The following LAMA3 variants were observed in gnomAD, a reference collection of about 807,000 sequenced individuals.
LAMA3 encodes laminin subunit alpha-3.
A neutral mutation model predicts 402.0 loss-of-function variants in LAMA3; 281 were observed. That is an observed-to-expected ratio of 0.70 (90% CI 0.63 to 0.77). The LOEUF is 0.77. Ranked by LOEUF, LAMA3 falls within the 30% of genes least tolerant of loss-of-function variation. The pLI is 0.00. For missense variants in LAMA3, 3,840 were observed against 4,215.5 expected (o/e 0.91, Z 2.47); for synonymous variants, 1,431 against 1,558.4 (o/e 0.92, Z 1.93).
intron 8 of LAMA3, among the ~76,000 whole-genome samples, chr18:23,765,661 G>A (rs1045848616): frequency 6.6e-6 from 1 of 152,100 alleles, no homozygotes; most frequent in Non-Finnish European, 1.5e-5. Flanking sequence ...GAAATTAGCA[G>A]TTAAGGATTT....
chr18:23,907,953 G>A lies in LAMA3; in HGVS notation c.7015+18G>A, dbSNP rs752423375. On this transcript the variant is annotated intron_variant, in intron 54 of 74. Transcript: ENST00000313654. ...TAACTCGGGTATCAGGCGATCTCTG[G>A]CCAGGACATCTTAGCCATTCTCTCC... 2 of 1,612,494 alleles carry A rather than the reference G, an allele frequency of 1.2e-6. No homozygotes were observed. Among genetic ancestry groups the A allele is most frequent in the East Asian group, 2.2e-5 (1 of 44,862 alleles).
At chr18:23,748,200 G>A (rs1057455364) in intron 3 of LAMA3, 140 bp downstream of exon 3, 13 of 690,100 alleles carry the variant, frequency 1.9e-5, no homozygotes, top group East Asian at 5.6e-5. Context: ...AGGCCAAGGC[G>A]GGTGGATTAC....
chr18:23,746,576 C>T (rs1345604188), intron 2 of LAMA3, among the ~76,000 whole-genome samples: 1 of 152,074 alleles, frequency 6.6e-6, no homozygotes. Flanking sequence ...TGCCACTGCT[C>T]TCACCAAAAA....
Position 23,864,724 on chromosome 18 carries a change from G to T in LAMA3, c.4585-61G>T, listed in dbSNP as rs564583787. ...GTGTGCCTAAGTGCTTTTCATGCGG[G>T]TTGATGTTGACATCATCTCTTTTAA... On this transcript the variant is annotated intron_variant, in intron 35 of 74. Transcript: ENST00000313654. The T allele has an allele frequency of 4.0e-4, 434 of 1,081,558 alleles. 1 individual carries two copies. Among genetic ancestry groups the T allele is most frequent in the Non-Finnish European group, 5.7e-4 (398 of 698,692 alleles). 67.0% of individuals were successfully genotyped at this position (1,081,558 alleles called of 1,614,324 possible).
At chr18:23,763,651 C>G in intron 8 of LAMA3, 128 bp downstream of exon 8, 1 of 756,596 alleles carries the variant, frequency 1.3e-6, no homozygotes, top group African/African-American at 1.7e-5. Flanking sequence ...CATTTCTCCA[C>G]TGTTGCTCAC....
chr18:23,824,676 G>A, intron 21 of LAMA3, 111 bp downstream of exon 21: 1 of 1,250,028 alleles, frequency 8.0e-7, no homozygotes, highest in East Asian at 2.3e-5. Context: ...ATCATTGGTG[G>A]TTTTAGACAC....
intron 67 of LAMA3, among the ~76,000 whole-genome samples, chr18:23,938,178 A>C (rs1373767959): frequency 1.3e-5 from 2 of 152,140 alleles, no homozygotes; most frequent in Non-Finnish European, 2.9e-5. Context: ...GGAATTATTT[A>C]CCAGAAGCCC....
In LAMA3 at chr18:23,710,367, C is replaced by T. The variant is rs17187178; in HGVS notation, c.295-3553C>T. On this transcript the variant is annotated intron_variant, in intron 1 of 74. Coordinates refer to ENST00000313654, the MANE Select transcript of LAMA3 (RefSeq NM_198129.4). ...TTAAAAAGCCCCACGAGGTTATCTT[C>T]TCTCAAAACCTTGTTGCTTGGTGCC... The T allele has an allele frequency of 0.018, 6,205 of 335,526 alleles. 422 individuals carry two copies. In the East Asian group the frequency reaches 0.2, roughly 11 times the overall value. The allele number at this position is 335,526 out of a possible 1,614,324, so 20.8% of individuals were successfully genotyped here. A position where few individuals can be genotyped will look rare whatever the true frequency, so the allele number is the denominator to read the frequency against.
chr18:23,875,413 G>A (rs1047408097), intron 38 of LAMA3, among the ~76,000 whole-genome samples: 1 of 152,116 alleles, frequency 6.6e-6, no homozygotes, highest in African/African-American at 2.4e-5. Context: ...ATAATATACA[G>A]GAGATAGAAA....
intron 36 of LAMA3, among the ~76,000 whole-genome samples, chr18:23,865,837 A>G (rs972704484): frequency 7.9e-5 from 12 of 152,210 alleles, no homozygotes; most frequent in Non-Finnish European, 1.5e-4. Context: ...TGACCAGTCC[A>G]ATGGGGCTGT....
chr18:23,754,944 A>T (rs1256812091), intron 6 of LAMA3, among the ~76,000 whole-genome samples: 1 of 152,192 alleles, frequency 6.6e-6, no homozygotes, highest in South Asian at 2.1e-4. Flanking sequence ...AAGGTCTGTG[A>T]TGTGCGTTGT....
In LAMA3 at chr18:23,894,930, C is replaced by T. The variant is rs781116222; in HGVS notation, c.5485C>T (p.Leu1829Phe). Residue 1829 changes from leucine (L) to phenylalanine (F), a missense_variant, in exon 44 of 75, where the codon CTC becomes TTC. By Grantham distance (22) the Leu-to-Phe change is conservative. Around this residue, in one of 3 missense-constraint regions of LAMA3, gnomAD observed 891 missense variants for 857.5 expected, o/e 1.04. Transcript: ENST00000313654. ...AGATTGCGACAGCTGTGTGATGACC[C>T]TCCTGAACGACCTGGCCACCATGGG... ...CDDCDSCVMT[L>F]LNDLATMGEQ... 19 of 1,614,208 alleles carry T rather than the reference C, an allele frequency of 1.2e-5. No individual in the cohort carries two copies. The highest frequency in any genetic ancestry group is 1.6e-5 in the Non-Finnish European group (19 of 1,180,038).
chr18:23,808,112 G>A (rs1281543079), intron 12 of LAMA3, among the ~76,000 whole-genome samples: 1 of 152,050 alleles, frequency 6.6e-6, no homozygotes, highest in Non-Finnish European at 1.5e-5. Flanking sequence ...CTTTGTTCTG[G>A]ATTTTTAGAT....
chr18:23,841,305 G>T lies in LAMA3; in HGVS notation c.3337-1090G>T, dbSNP rs149156998. ...TGTGTTGTTGCTGTTGAAGATTTTT[G>T]TGAGTTAAAAGATTCATTACTCAAA... is the stretch of plus-strand genomic sequence containing the variant. On this transcript the variant is annotated intron_variant, in intron 27 of 74. Transcript: ENST00000313654. 9.3e-4 allele frequency among the ~76,000 whole-genome samples: 141 copies of T among 152,302 alleles called. 1 individual carries two copies. The highest frequency in any genetic ancestry group is 3.0e-3 in the African/African-American group (125 of 41,556).
At chr18:23,945,383 A>G (rs2082674972) in intron 69 of LAMA3, among the ~76,000 whole-genome samples, 1 of 152,162 alleles carries the variant, frequency 6.6e-6, no homozygotes, top group African/African-American at 2.4e-5. Context: ...TCCAGATCAC[A>G]TCCTGTGATT....
At chr18:23,742,309 G>A (rs1421331222) in intron 2 of LAMA3, among the ~76,000 whole-genome samples, 1 of 152,172 alleles carries the variant, frequency 6.6e-6, no homozygotes, top group Non-Finnish European at 1.5e-5. Context: ...CATGTTGGGG[G>A]ACTGCTGTGG....
intron 25 of LAMA3, 108 bp downstream of exon 25, chr18:23,837,197 GA>G: frequency 1.4e-6 from 1 of 739,894 alleles, no homozygotes. Context: ...TATAATCTGT[GA>G]AGAATTGCCA....
Position 23,814,606 on chromosome 18 carries a change from A to G in LAMA3, c.1888+104A>G, listed in dbSNP as rs1313094548. On this transcript the variant is annotated intron_variant, in intron 15 of 74. Coordinates refer to ENST00000313654, the MANE Select transcript of LAMA3 (RefSeq NM_198129.4). ...AAGAGCTATTTGTTGAATCACTTCA[A>G]TTTGACAAGATTCTATGTAATGTTC... is the stretch of plus-strand genomic sequence containing the variant. 1.7e-5 allele frequency: 13 copies of G among 762,258 alleles called. No homozygotes were observed. The East Asian group carries it at 2.7e-4, about 16-fold the overall frequency. 47.2% of individuals were successfully genotyped at this position (762,258 alleles called of 1,614,324 possible). A position where few individuals can be genotyped will look rare whatever the true frequency, so the allele number is the denominator to read the frequency against.
intron 39 of LAMA3, among the ~76,000 whole-genome samples, chr18:23,878,647 A>G (rs1568288449): frequency 6.6e-6 from 1 of 152,378 alleles, no homozygotes; most frequent in East Asian, 1.9e-4. Context: ...TAAAGAGGAA[A>G]TCCAGTATAT....
Sources: allele counts gnomAD v4.1 joint callset (sites outside exome capture counted in the v4.1 genomes callset), GRCh38; gene constraint gnomAD v4.1.1; regional missense constraint gnomAD v4.1.1; transcripts MANE v1.5; gene names NCBI Gene and HGNC (gene_info 2026-07-23, HGNC 2026-07-21).